The following MPPED2 variants were observed in gnomAD, a reference collection of about 807,000 sequenced individuals.
MPPED2 encodes metallophosphoesterase domain containing 2.
Under a neutral mutation model 33.0 loss-of-function variants are expected in MPPED2, and 5 were observed. The observed-to-expected ratio is 0.15, with a 90% CI of 0.08 to 0.32. The LOEUF (loss-of-function observed/expected upper bound fraction) is 0.32. Among genes scored for constraint, MPPED2 ranks in the 10% least tolerant of loss-of-function variants. MPPED2 has a pLI of 1.00. For synonymous variants in MPPED2, 136 were observed against 141.9 expected, an observed-to-expected ratio of 0.96 and a Z score of 0.29; for missense variants, 275 against 372.1, an observed-to-expected ratio of 0.74 and a Z score of 2.15.
intron 3 of MPPED2, among the ~76,000 whole-genome samples, chr11:30,527,705 C>T (rs1954277039): frequency 6.6e-6 from 1 of 152,106 alleles, no homozygotes; most frequent in African/African-American, 2.4e-5. Context: ...ACTGTGTCAC[C>T]GTTTTCTCTG....
At chr11:30,429,572 C>G (rs1336565501) in intron 4 of MPPED2, among the ~76,000 whole-genome samples, 2 of 152,158 alleles carry the variant, frequency 1.3e-5, no homozygotes, top group African/African-American at 2.4e-5. Context: ...TGTGTGCCAG[C>G]CAACCATATA....
intron 4 of MPPED2, among the ~76,000 whole-genome samples, chr11:30,419,729 G>T (rs1439035424): frequency 6.6e-6 from 1 of 152,132 alleles, no homozygotes; most frequent in African/African-American, 2.4e-5. Flanking sequence ...AGAGGTCAGG[G>T]TTTTCTCTCT....
chr11:30,546,001 A>C (rs1327814342), intron 2 of MPPED2, among the ~76,000 whole-genome samples: 1 of 152,134 alleles, frequency 6.6e-6, no homozygotes, highest in East Asian at 1.9e-4. Flanking sequence ...CTGGGACTGC[A>C]GGTGTCTGCC....
At chr11:30,475,590 A>G (rs1302399379) in intron 4 of MPPED2, among the ~76,000 whole-genome samples, 10 of 152,152 alleles carry the variant, frequency 6.6e-5, no homozygotes, top group Non-Finnish European at 8.8e-5. Context: ...CAATATAATG[A>G]TCTTCAAATT....
chr11:30,526,991 C>T (rs1295607829), intron 3 of MPPED2, among the ~76,000 whole-genome samples: 2 of 151,752 alleles, frequency 1.3e-5, no homozygotes, highest in African/African-American at 4.8e-5. Flanking sequence ...GTGGCGTGAT[C>T]TCGGCTCACT....
intron 2 of MPPED2, among the ~76,000 whole-genome samples, chr11:30,568,078 T>C (rs1956525030): frequency 6.6e-6 from 1 of 152,200 alleles, no homozygotes; most frequent in Non-Finnish European, 1.5e-5. Context: ...AGACACACAA[T>C]ATTATTAACA....
At chr11:30,566,769 C>T (rs969068698) in intron 2 of MPPED2, among the ~76,000 whole-genome samples, 1 of 152,082 alleles carries the variant, frequency 6.6e-6, no homozygotes, top group African/African-American at 2.4e-5. Context: ...AGGTCACTGC[C>T]CTCATAGAGC....
At chr11:30,436,062 T>G (rs1949311304) in intron 4 of MPPED2, among the ~76,000 whole-genome samples, 1 of 150,550 alleles carries the variant, frequency 6.6e-6, no homozygotes, top group South Asian at 2.1e-4. Context: ...TTTTTTTTTT[T>G]TTTTTTTTTT....
chr11:30,459,117 G>C (rs1283362266), intron 4 of MPPED2, among the ~76,000 whole-genome samples: 2 of 151,278 alleles, frequency 1.3e-5, no homozygotes, highest in African/African-American at 4.9e-5. Context: ...AGTAGAGACG[G>C]GGTTTCACCG....
At chr11:30,558,094 T>G (rs1040969976) in intron 2 of MPPED2, among the ~76,000 whole-genome samples, 3 of 152,172 alleles carry the variant, frequency 2.0e-5, no homozygotes, top group African/African-American at 7.2e-5. Flanking sequence ...ATATTGGTAT[T>G]GCAGGAATTG....
chr11:30,404,528 C>T (rs886939951), intron 6 of MPPED2, among the ~76,000 whole-genome samples: 1 of 152,204 alleles, frequency 6.6e-6, no homozygotes, highest in Non-Finnish European at 1.5e-5. Context: ...CTGCCATTAG[C>T]AGGCAGACTC....
At chr11:30,389,629 A>G (rs1565028643) in intron 6 of MPPED2, among the ~76,000 whole-genome samples, 1 of 152,206 alleles carries the variant, frequency 6.6e-6, no homozygotes, top group African/African-American at 2.4e-5. Flanking sequence ...GAATGGCTTC[A>G]TTTACATATC....
At chr11:30,451,820 G>A (rs1332735838) in intron 4 of MPPED2, 2 of 985,258 alleles carry the variant, frequency 2.0e-6, no homozygotes, top group Non-Finnish European at 2.4e-6. Context: ...TAATTTCACT[G>A]ACTGACAGGC....
At chr11:30,405,519 G>A (rs1295182265), downstream of MPPED2, among the ~76,000 whole-genome samples, 1 of 152,142 alleles carries the variant, frequency 6.6e-6, no homozygotes, top group Non-Finnish European at 1.5e-5. Context: ...AGATATGAAA[G>A]AGCCTTTTCA....
intron 3 of MPPED2, among the ~76,000 whole-genome samples, chr11:30,533,159 C>T (rs987140885): frequency 2.0e-5 from 3 of 152,092 alleles, no homozygotes; most frequent in Non-Finnish European, 4.4e-5. Flanking sequence ...GTCAGACAGC[C>T]CCATGTCTAC....
chr11:30,390,575 C>T (rs117329393), intron 6 of MPPED2, among the ~76,000 whole-genome samples: 4 of 152,360 alleles, frequency 2.6e-5, no homozygotes, highest in Non-Finnish European at 5.9e-5. Context: ...TGAAATATGT[C>T]AACCAAGAGT....
chr11:30,494,957 T>C (rs1171244482), intron 4 of MPPED2, among the ~76,000 whole-genome samples: 1 of 152,156 alleles, frequency 6.6e-6, no homozygotes, highest in African/African-American at 2.4e-5. Flanking sequence ...GCATAGGTTA[T>C]ATGCAAATAC....
At chr11:30,442,290 A>G (rs188122750) in intron 4 of MPPED2, among the ~76,000 whole-genome samples, 2 of 152,326 alleles carry the variant, frequency 1.3e-5, no homozygotes, top group Admixed American at 1.3e-4. Flanking sequence ...TTAGATCTAC[A>G]TGTGAGTATT....
At chr11:30,500,390 T>C (rs954069747) in intron 3 of MPPED2, among the ~76,000 whole-genome samples, 3 of 152,244 alleles carry the variant, frequency 2.0e-5, no homozygotes, top group African/African-American at 7.2e-5. Context: ...TTTACTTCTA[T>C]GGGCAGTATG....
Sources: gnomAD v4.1 joint callset for allele counts (sites outside exome capture counted in the v4.1 genomes callset) on GRCh38, gnomAD v4.1.1 for gene constraint, MANE v1.5 for transcripts, NCBI Gene and HGNC (gene_info 2026-07-23, HGNC 2026-07-21) for gene names.